The following DLGAP2 variants were observed in gnomAD, a reference collection of about 807,000 sequenced individuals.
DLGAP2 encodes the protein disks large-associated protein 2.
DLGAP2 carries 26 observed loss-of-function variants against 100.3 expected under a neutral mutation model. The observed-to-expected ratio is 0.26, with a 90% CI of 0.19 to 0.36. DLGAP2 has a LOEUF of 0.36. Ranked by LOEUF, DLGAP2 falls within the 10% of genes least tolerant of loss-of-function variation. DLGAP2 has a pLI of 1.00. For missense variants in DLGAP2, 1,858 were observed against 1,453.2 expected (o/e 1.28, Z -4.53); for synonymous variants, 886 against 630.1 (o/e 1.41, Z -6.08).
intron 2 of DLGAP2, among the ~76,000 whole-genome samples, chr8:1,143,060 G>T (rs1026543585): frequency 2.0e-5 from 3 of 152,208 alleles, no homozygotes; most frequent in African/African-American, 7.2e-5. Flanking sequence ...CTCAGGGTGT[G>T]GGACTGCCGG....
chr8:1,239,954 C>G (rs1287705846), intron 2 of DLGAP2, among the ~76,000 whole-genome samples: 1 of 143,946 alleles, frequency 6.9e-6, no homozygotes, highest in Non-Finnish European at 1.5e-5. Flanking sequence ...GTTGCCGTGT[C>G]TAGTTCTCTC....
At chr8:1,033,640 C>G (rs1230955802) in intron 2 of DLGAP2, among the ~76,000 whole-genome samples, 1 of 152,200 alleles carries the variant, frequency 6.6e-6, no homozygotes, top group Admixed American at 6.5e-5. Flanking sequence ...GCACTCCAGC[C>G]TGGGTGACAG....
intron 6 of DLGAP2, among the ~76,000 whole-genome samples, chr8:1,577,428 T>C (rs1165692553): frequency 1.3e-5 from 2 of 151,700 alleles, no homozygotes; most frequent in African/African-American, 2.4e-5. Context: ...AATTAGCTGG[T>C]GTAGTGGCAC....
intron 2 of DLGAP2, among the ~76,000 whole-genome samples, chr8:1,112,930 G>GGTT (rs1805006095): frequency 6.6e-6 from 1 of 152,034 alleles, no homozygotes; most frequent in Non-Finnish European, 1.5e-5. Context: ...ATGACTAGCC[G>GGTT]GTTATCCCAG....
intron 2 of DLGAP2, among the ~76,000 whole-genome samples, chr8:1,067,695 A>G (rs1365021244): frequency 1.3e-5 from 2 of 151,634 alleles, no homozygotes; most frequent in Non-Finnish European, 2.9e-5. Context: ...AATTAAGTGG[A>G]AAGTGCAGAC....
At chr8:951,376 C>G (rs532573820) in intron 2 of DLGAP2, among the ~76,000 whole-genome samples, 1 of 152,194 alleles carries the variant, frequency 6.6e-6, no homozygotes, top group East Asian at 1.9e-4. Flanking sequence ...TCCCAAGTAG[C>G]CAGGATTACA....
At chr8:958,468 T>G (rs1299710667) in intron 2 of DLGAP2, among the ~76,000 whole-genome samples, 1 of 152,020 alleles carries the variant, frequency 6.6e-6, no homozygotes, top group Non-Finnish European at 1.5e-5. Context: ...TTTTCATTGT[T>G]TCTGTGGGGA....
At chr8:1,478,494 T>C (rs1479962653) in intron 3 of DLGAP2, among the ~76,000 whole-genome samples, 1 of 152,244 alleles carries the variant, frequency 6.6e-6, no homozygotes, top group Non-Finnish European at 1.5e-5. Context: ...TGGCCACTCT[T>C]GCTCCACAAG....
chr8:1,438,698 C>T (rs925187779), intron 3 of DLGAP2, among the ~76,000 whole-genome samples: 1 of 152,206 alleles, frequency 6.6e-6, no homozygotes, highest in Non-Finnish European at 1.5e-5. Flanking sequence ...TATCACAATA[C>T]ACACTTCATC....
At chr8:882,714 G>C (rs1269134470) in intron 1 of DLGAP2, among the ~76,000 whole-genome samples, 4 of 143,938 alleles carry the variant, frequency 2.8e-5, no homozygotes, top group African/African-American at 7.9e-5. Context: ...CTCTCCCTGC[G>C]GAGGCCTCTC....
chr8:1,700,117 C>A (rs928362178), intron 14 of DLGAP2, among the ~76,000 whole-genome samples: 1 of 152,350 alleles, frequency 6.6e-6, no homozygotes, highest in African/African-American at 2.4e-5. Flanking sequence ...GTTCCAGACA[C>A]CAAAGCAGGC....
At chr8:1,285,967 A>C (rs1799913444) in intron 3 of DLGAP2, among the ~76,000 whole-genome samples, 1 of 152,182 alleles carries the variant, frequency 6.6e-6, no homozygotes, top group African/African-American at 2.4e-5. Flanking sequence ...GAAACACCCA[A>C]AACCTTTCTA....
At chr8:1,009,849 T>C (rs892368207) in intron 2 of DLGAP2, among the ~76,000 whole-genome samples, 10 of 152,230 alleles carry the variant, frequency 6.6e-5, no homozygotes, top group African/African-American at 2.4e-4. Flanking sequence ...AGATAAAATA[T>C]CAAATGCCCA....
intron 3 of DLGAP2, among the ~76,000 whole-genome samples, chr8:1,474,144 A>G (rs1179709270): frequency 1.3e-5 from 2 of 152,068 alleles, no homozygotes; most frequent in Admixed American, 6.6e-5. Context: ...TTGGCTTTCC[A>G]TTCCTGAGTT....
rs1254945512 is a variant in DLGAP2 at position 1,549,359 on chromosome 8, C to T, written c.906C>T (p.Asn302=). 1.2e-6 allele frequency: 2 copies of T among 1,613,460 alleles called. No individual in the cohort carries two copies. Among genetic ancestry groups the T allele is most frequent in the Non-Finnish European group, 1.7e-6 (2 of 1,179,796 alleles). ...GMSSWWSSDD[N]LDSDSTYRTP... is the part of the protein sequence containing the mutation. ...GCAGCTGGTGGAGCTCGGACGACAA[C>T]CTGGACAGCGACAGCACCTATCGGA... The change falls in exon 5 of 15, where the codon AAC becomes AAT. Residue 302 remains asparagine (N), a synonymous_variant. Transcript: ENST00000637795.
intron 6 of DLGAP2, among the ~76,000 whole-genome samples, chr8:1,580,728 C>G (rs7007513): frequency 0.02 from 870 of 44,166 alleles, no homozygotes; most frequent in East Asian, 0.031. Flanking sequence ...AGACAAACCC[C>G]CACACATCTA....
At chr8:1,595,632 AGT>A (rs1169804799) in intron 6 of DLGAP2, among the ~76,000 whole-genome samples, 9 of 146,432 alleles carry the variant, frequency 6.1e-5, no homozygotes, top group East Asian at 2.0e-4. Flanking sequence ...GCGCCACTGC[AGT>A]CCGCAGTCCC....
intron 3 of DLGAP2, among the ~76,000 whole-genome samples, chr8:1,447,430 T>A (rs1042091104): frequency 6.6e-6 from 1 of 152,262 alleles, no homozygotes; most frequent in Non-Finnish European, 1.5e-5. Flanking sequence ...ATCCCAGGGA[T>A]GAAGCCCACT....
chr8:1,142,856 C>T (rs1183306746), intron 2 of DLGAP2, among the ~76,000 whole-genome samples: 1 of 152,068 alleles, frequency 6.6e-6, no homozygotes, highest in Non-Finnish European at 1.5e-5. Context: ...GGGATCATGG[C>T]GTGGGGAGCA....
Sources: gnomAD v4.1 joint callset for allele counts (sites outside exome capture counted in the v4.1 genomes callset) on GRCh38, gnomAD v4.1.1 for gene constraint, MANE v1.5 for transcripts, NCBI Gene and HGNC (gene_info 2026-07-23, HGNC 2026-07-21) for gene names.